Variants in FAM193A observed in about 807,000 individuals in gnomAD.
FAM193A encodes the protein family with sequence similarity 193 member A.
FAM193A carries 22 observed loss-of-function variants against 126.5 expected under a neutral mutation model. The observed-to-expected ratio is 0.17, with a 90% CI of 0.12 to 0.25. FAM193A has a LOEUF of 0.25. FAM193A is among the 10% of genes least tolerant of loss of function. The pLI, the probability that FAM193A is intolerant of heterozygous loss-of-function variation, is 1.00. For missense variants in FAM193A, 1,675 were observed against 1,672.8 expected (o/e 1.00, Z -0.02); for synonymous variants, 761 against 646.8 (o/e 1.18, Z -2.68).
chr4:2,694,910 G>C, intron 16 of FAM193A, 36 bp from the exon 17 acceptor site: 1 of 1,541,318 alleles, frequency 6.5e-7, no homozygotes, highest in Non-Finnish European at 8.7e-7. Flanking sequence ...CTCCCGGGCC[G>C]GCCACTTGCT....
chr4:2,559,217 A>G (rs984787686), intron 1 of FAM193A, among the ~76,000 whole-genome samples: 2 of 152,180 alleles, frequency 1.3e-5, no homozygotes, highest in Non-Finnish European at 2.9e-5. Context: ...TCATAGATGC[A>G]TAGAACTTCA....
chr4:2,668,213 CTT>C (rs71644347), intron 12 of FAM193A, among the ~76,000 whole-genome samples: 77 of 137,440 alleles, frequency 5.6e-4, no homozygotes, highest in Middle Eastern at 3.9e-3. Context: ...CAATATGCAT[CTT>C]TTTTTTTTTT....
In FAM193A at chr4:2,657,803, A is replaced by G. The variant is rs752257303; in HGVS notation, c.1312A>G (p.Met438Val). The G allele has an allele frequency of 5.0e-6, 8 of 1,605,536 alleles. No individual in the cohort carries two copies. In the Admixed American group the frequency reaches 1.4e-4, roughly 28 times the overall value. The change falls in exon 8 of 21, where the codon ATG becomes GTG. Residue 438 changes from methionine to valine, a missense_variant and splice_region_variant. By Grantham distance (21) the Met-to-Val change is conservative. Around this residue, in one of 4 missense-constraint regions of FAM193A, gnomAD observed 1,186 missense variants for 1,109.2 expected, o/e 1.07. Coordinates refer to ENST00000637812, the MANE Select transcript of FAM193A (RefSeq NM_001366318.2). ...KRIDAYVDEQ[M>V]TMKTKQRMLT... ...TCTGTTTTTTACATCCCCTTACTAG[A>G]TGACAATGAAAACCAAGCAGCGCAT...
intron 1 of FAM193A, among the ~76,000 whole-genome samples, 178 bp from the exon 2 acceptor site, chr4:2,595,906 T>C (rs1279767912): frequency 6.6e-6 from 1 of 152,222 alleles, no homozygotes; most frequent in Non-Finnish European, 1.5e-5. Context: ...TATGGCACTA[T>C]TTAAAGTATT....
chr4:2,588,054 T>C (rs1339346288), intron 1 of FAM193A, among the ~76,000 whole-genome samples: 1 of 152,176 alleles, frequency 6.6e-6, no homozygotes, highest in African/African-American at 2.4e-5. Context: ...TGCCAAGTGC[T>C]TTTCCAAAAG....
At chr4:2,571,736 C>T (rs1343441645) in intron 1 of FAM193A, among the ~76,000 whole-genome samples, 1 of 151,572 alleles carries the variant, frequency 6.6e-6, no homozygotes, top group Non-Finnish European at 1.5e-5. Flanking sequence ...GACAGAGTTT[C>T]GCCATGTTGG....
chr4:2,648,051 T>C (rs115868363), intron 7 of FAM193A, among the ~76,000 whole-genome samples: 2,657 of 152,266 alleles, frequency 0.017, 60 homozygotes, highest in African/African-American at 0.051. Context: ...CTGTTGCTGT[T>C]CTCTACTGCA....
Position 2,699,914 on chromosome 4 carries a change from G to A in FAM193A, c.3742G>A (p.Ala1248Thr), listed in dbSNP as rs754587462. The change falls in exon 19 of 21, where the codon GCA (alanine) becomes ACA (threonine). Residue 1248 changes from alanine to threonine, a missense_variant. Ala to Thr is a moderately conservative substitution (Grantham distance 58). Transcript: ENST00000637812. The stretch of plus-strand genomic sequence containing the variant: ...GGACATGCTCACTAGAAATTTCCAG[G>A]CAGCAACAGAGTCTGTTCCTAACTC... Reference protein sequence around the residue: ...KLDMLTRNFQAATESVPNSGN... With the variant: ...KLDMLTRNFQTATESVPNSGN... The A allele has an allele frequency of 3.7e-6, 6 of 1,613,896 alleles. No individual in the cohort carries two copies. In the Admixed American group the frequency reaches 6.7e-5, roughly 18 times the overall value.
At chr4:2,703,481 A>G (rs1717965169) in intron 19 of FAM193A, among the ~76,000 whole-genome samples, 1 of 152,140 alleles carries the variant, frequency 6.6e-6, no homozygotes, top group Non-Finnish European at 1.5e-5. Context: ...TCCTGACCTT[A>G]AGTGACCTGC....
chr4:2,541,768 C>T (rs1737248235), intron 1 of FAM193A, among the ~76,000 whole-genome samples: 1 of 151,938 alleles, frequency 6.6e-6, no homozygotes, highest in African/African-American at 2.4e-5. Flanking sequence ...GAGTTGTGTG[C>T]TGCACCTTGA....
chr4:2,598,307 C>G (rs1249992016), intron 2 of FAM193A, among the ~76,000 whole-genome samples: 1 of 152,188 alleles, frequency 6.6e-6, no homozygotes, highest in Non-Finnish European at 1.5e-5. Context: ...CGTAGTTTCT[C>G]TTTTTTATTG....
chr4:2,559,078 A>G (rs1738442510), intron 1 of FAM193A, among the ~76,000 whole-genome samples: 1 of 152,178 alleles, frequency 6.6e-6, no homozygotes. Flanking sequence ...TAAAAGAATA[A>G]TGGGAGGGTT....
chr4:2,637,275 C>T (rs2109018532), intron 5 of FAM193A, among the ~76,000 whole-genome samples: 1 of 152,240 alleles, frequency 6.6e-6, no homozygotes, highest in South Asian at 2.1e-4. Context: ...TGCAGTGAGC[C>T]AAGATTACAC....
intron 13 of FAM193A, among the ~76,000 whole-genome samples, chr4:2,685,892 T>C (rs1223298370): frequency 3.3e-5 from 5 of 152,250 alleles, no homozygotes; most frequent in Admixed American, 6.5e-5. Flanking sequence ...GTTTTCCTTT[T>C]CTATGGATTA....
intron 12 of FAM193A, among the ~76,000 whole-genome samples, chr4:2,671,059 G>A (rs975904684): frequency 4.9e-4 from 74 of 152,134 alleles, no homozygotes; most frequent in African/African-American, 1.7e-3. Context: ...GGCAGAGGTT[G>A]CCCATGCACC....
intron 1 of FAM193A, among the ~76,000 whole-genome samples, chr4:2,568,973 CTTTTTTT>C (rs753557878): frequency 9.0e-4 from 82 of 90,728 alleles, no homozygotes; most frequent in African/African-American, 2.8e-3. Context: ...TGTTGTTTTG[CTTTTTTT>C]TTTTTTTTTT....
Position 2,625,402 on chromosome 4 carries a change from G to A in FAM193A, c.635+7G>A, listed in dbSNP as rs1742850095. On this transcript the variant is annotated splice_region_variant and intron_variant, in intron 3 of 20. Transcript: ENST00000637812. ...AGGCCTGCAGTGAGCGCAGGTATGT[G>A]ACGTGTGTGCCACGTTGCTCACACC... is the stretch of plus-strand genomic sequence containing the variant. 4.3e-6 allele frequency: 3 copies of A among 699,230 alleles called. No homozygotes were observed. Among genetic ancestry groups the A allele is most frequent in the South Asian group, 3.0e-5 (2 of 67,342 alleles). The allele number at this position is 699,230 out of a possible 1,614,324, so 43.3% of individuals were successfully genotyped here.
intron 1 of FAM193A, among the ~76,000 whole-genome samples, chr4:2,581,054 G>A (rs555856568): frequency 2.0e-5 from 3 of 151,708 alleles, no homozygotes; most frequent in Admixed American, 6.6e-5. Flanking sequence ...GCGTGAACCC[G>A]GGAGGCGGAG....
rs74908697 is a variant in FAM193A, at chr4:2,563,758, C to G, written c.255+26588C>G. On this transcript the variant is annotated intron_variant, in intron 1 of 20. Transcript: ENST00000637812. ...GATTATTTGAAATCTGGATTTACATCCACTTTTATTAATGACAAGCCATGC... is the reference window on the plus strand; with the variant it reads ...GATTATTTGAAATCTGGATTTACATGCACTTTTATTAATGACAAGCCATGC... 7.0e-3 allele frequency among the ~76,000 whole-genome samples: 1,071 copies of G among 152,282 alleles called. 3 individuals carry two copies. Among genetic ancestry groups the G allele is most frequent in the Non-Finnish European group, 0.011 (782 of 68,012 alleles).
Sources: allele counts gnomAD v4.1 joint callset (sites outside exome capture counted in the v4.1 genomes callset), GRCh38; gene constraint gnomAD v4.1.1; regional missense constraint gnomAD v4.1.1; transcripts MANE v1.5; gene names NCBI Gene and HGNC (gene_info 2026-07-23, HGNC 2026-07-21).